FAAH2: variants seen among roughly 807,000 people sequenced by gnomAD.
FAAH2 encodes the protein fatty-acid amide hydrolase 2.
Under a neutral mutation model 36.9 loss-of-function variants are expected in FAAH2, and 60 were observed. The observed-to-expected ratio is 1.63, with a 90% CI of 1.32 to 2.02. FAAH2 has a LOEUF of 2.02. Among genes scored for constraint, FAAH2 ranks in the 30% most tolerant of loss-of-function variants. The probability of loss-of-function intolerance (pLI) is 0.00; values close to 1 mark genes in which losing one functional copy is unlikely to be tolerated. For missense variants in FAAH2, 689 were observed against 397.5 expected (o/e 1.73, Z -6.23); for synonymous variants, 214 against 143.8 (o/e 1.49, Z -3.49).
chrX:57,439,632 T>A (rs1315293253), intron 8 of FAAH2, among the ~76,000 whole-genome samples: 2 of 111,891 alleles, frequency 1.8e-5, no homozygotes, highest in Non-Finnish European at 3.8e-5. Flanking sequence ...ATTTTTGGCT[T>A]TTGTTGCCTT....
chrX:57,275,937 C>G, the FAAH2 span, among the ~76,000 whole-genome samples: 1 of 111,476 alleles, frequency 9.0e-6, no homozygotes, highest in Non-Finnish European at 1.9e-5. Flanking sequence ...TCCTTAGATA[C>G]CTACAAAGAG....
intron 2 of FAAH2, among the ~76,000 whole-genome samples, chrX:57,307,152 A>G (rs1234577301): frequency 5.8e-5 from 6 of 103,505 alleles, no homozygotes; most frequent in Admixed American, 5.4e-4. Flanking sequence ...TTTCATTAGA[A>G]TGAGCCATGT....
At chrX:57,414,408 G>A (rs1445095394) in intron 7 of FAAH2, among the ~76,000 whole-genome samples, 2 of 111,836 alleles carry the variant, frequency 1.8e-5, no homozygotes, top group Non-Finnish European at 3.8e-5. Flanking sequence ...ATAGTTTATT[G>A]AGAGCTTTTA....
At chrX:57,229,941 C>T in the FAAH2 span, among the ~76,000 whole-genome samples, 1 of 111,563 alleles carries the variant, frequency 9.0e-6, no homozygotes, top group African/African-American at 3.3e-5. Context: ...GGTATTTCTC[C>T]TCTACTTTTA....
intron 7 of FAAH2, among the ~76,000 whole-genome samples, chrX:57,402,591 A>G (rs2055465208): frequency 8.9e-6 from 1 of 111,827 alleles, no homozygotes; most frequent in African/African-American, 3.3e-5. Context: ...ATCCTTTAAG[A>G]TTAGTTAGCC....
In FAAH2 at chrX:57,336,596, C is replaced by T. The variant is rs577188629; in HGVS notation, c.623-4675C>T. On this transcript the variant is annotated intron_variant, in intron 4 of 10. Coordinates refer to ENST00000374900, the MANE Select transcript of FAAH2 (RefSeq NM_174912.4). ...TTAAGAAAGTCATCCCACACCAAACCACACAACTACGGGGAAATCAAACAA... is the reference window on the plus strand; with the variant it reads ...TTAAGAAAGTCATCCCACACCAAACTACACAACTACGGGGAAATCAAACAA... Among the ~76,000 whole-genome samples, 59 of 111,879 alleles carry T rather than the reference C, an allele frequency of 5.3e-4. No individual in the cohort carries two copies. The South Asian group carries it at 0.022, about 41-fold the overall frequency.
chrX:57,251,501 G>C, the FAAH2 span, among the ~76,000 whole-genome samples: 4 of 111,524 alleles, frequency 3.6e-5, no homozygotes, highest in Non-Finnish European at 5.6e-5. Context: ...GTCTTAATCA[G>C]AGTAGTTAGG....
At chrX:57,461,707 C>T (rs2056960334) in intron 10 of FAAH2, among the ~76,000 whole-genome samples, 1 of 110,454 alleles carries the variant, frequency 9.1e-6, no homozygotes. Flanking sequence ...GGAGAAAGAT[C>T]TAAAATCAAC....
At chrX:57,139,888 C>G in the FAAH2 span, among the ~76,000 whole-genome samples, 2 of 111,877 alleles carry the variant, frequency 1.8e-5, no homozygotes, top group Non-Finnish European at 3.8e-5. Context: ...TTTCTGTTTC[C>G]ATAAAGAATG....
the FAAH2 span, among the ~76,000 whole-genome samples, chrX:57,177,080 A>G: frequency 9.0e-6 from 1 of 111,370 alleles, no homozygotes; most frequent in African/African-American, 3.3e-5. Flanking sequence ...AGTAGGAGCA[A>G]TCCACAAGGA....
intron 3 of FAAH2, among the ~76,000 whole-genome samples, chrX:57,315,645 A>T (rs775504778): frequency 8.9e-6 from 1 of 112,159 alleles, no homozygotes; most frequent in African/African-American, 3.2e-5. Flanking sequence ...GTAAATGATT[A>T]AAAGTAAAAA....
chrX:57,374,431 C>T (rs910332905), intron 5 of FAAH2, among the ~76,000 whole-genome samples: 3 of 111,332 alleles, frequency 2.7e-5, no homozygotes, highest in South Asian at 7.4e-4. Flanking sequence ...TTTCACCTCC[C>T]GGGTTAGGTA....
the FAAH2 span, among the ~76,000 whole-genome samples, chrX:57,163,004 G>A: frequency 8.9e-6 from 1 of 111,827 alleles, no homozygotes. Context: ...ATCTACTTTT[G>A]GTCTTTGATG....
chrX:57,283,859 G>A (rs1397665695), upstream of FAAH2, among the ~76,000 whole-genome samples: 1 of 112,202 alleles, frequency 8.9e-6, no homozygotes, highest in Admixed American at 9.4e-5. Context: ...GAAACGCAGA[G>A]CTGCTACCGA....
chrX:57,378,619 T>G, intron 5 of FAAH2, 32 bp from the exon 6 acceptor site: 1 of 1,208,052 alleles, frequency 8.3e-7, no homozygotes, highest in Non-Finnish European at 1.1e-6. Context: ...TGTCTTATTT[T>G]GGGCGGCTAA....
chrX:57,211,204 G>A, the FAAH2 span, among the ~76,000 whole-genome samples: 6 of 111,589 alleles, frequency 5.4e-5, no homozygotes, highest in East Asian at 1.1e-3. Flanking sequence ...AACTCCAGTG[G>A]CAGCCTCATA....
At chrX:57,328,245 C>T (rs745342285) in intron 3 of FAAH2, among the ~76,000 whole-genome samples, 5 of 111,342 alleles carry the variant, frequency 4.5e-5, no homozygotes, top group Non-Finnish European at 9.4e-5. Flanking sequence ...GTCAGTCTGC[C>T]CCTACTTGGG....
intron 7 of FAAH2, among the ~76,000 whole-genome samples, chrX:57,395,625 T>C (rs2055275831): frequency 8.9e-6 from 1 of 112,264 alleles, no homozygotes; most frequent in South Asian, 3.7e-4. Context: ...ATTGAGATGA[T>C]CATGTAGTGT....
At chrX:57,356,322 G>T (rs1402244132) in intron 5 of FAAH2, among the ~76,000 whole-genome samples, 1 of 110,630 alleles carries the variant, frequency 9.0e-6, no homozygotes, top group Non-Finnish European at 1.9e-5. Context: ...TGAATTTGAA[G>T]ATGATTAGTA....
Sources: allele counts gnomAD v4.1 joint callset (sites outside exome capture counted in the v4.1 genomes callset), GRCh38; gene constraint gnomAD v4.1.1; transcripts MANE v1.5; gene names NCBI Gene and HGNC (gene_info 2026-07-23, HGNC 2026-07-21).